The following CYRIB variants were observed in gnomAD, a reference collection of about 807,000 sequenced individuals.
The protein encoded by CYRIB is CYFIP related Rac1 interactor B, also known as CYFIP-related Rac1 interactor B.
In CYRIB, 8 loss-of-function variants were observed where a neutral mutation model predicts 44.2. The observed-to-expected ratio is 0.18, with a 90% CI of 0.11 to 0.33. The LOEUF (loss-of-function observed/expected upper bound fraction) is 0.33, where lower values mean the gene tolerates loss of function less well. Ranked by LOEUF, CYRIB falls within the 10% of genes least tolerant of loss-of-function variation. The pLI is 1.00. For missense variants in CYRIB, 185 were observed against 382.8 expected (o/e 0.48, Z 4.31); for synonymous variants, 131 against 127.2 (o/e 1.03, Z -0.20).
intron 2 of CYRIB, among the ~76,000 whole-genome samples, chr8:129,883,480 T>TG (rs1346375805): frequency 6.6e-6 from 1 of 152,190 alleles, no homozygotes; most frequent in African/African-American, 2.4e-5. Context: ...CAAAAACTCA[T>TG]GGAAGTTTTC....
intron 1 of CYRIB, among the ~76,000 whole-genome samples, chr8:129,924,386 A>T (rs1318633739): frequency 1.3e-5 from 2 of 149,738 alleles, no homozygotes; most frequent in African/African-American, 4.9e-5. Context: ...TTTCCAGAAC[A>T]GATCTGCCTA....
rs117833556 is a variant in CYRIB, at chr8:129,979,162, T to A, written c.-295-8167A>T. 8.7e-3 allele frequency among the ~76,000 whole-genome samples: 1,314 copies of A among 151,844 alleles called. 12 individuals are homozygous for A. The highest frequency in any genetic ancestry group is 0.034 in the Middle Eastern group (10 of 292). On this transcript the variant is annotated intron_variant, in intron 1 of 14. Transcript: ENST00000401979. Reference sequence around the variant, plus strand: ...TCTCAAAATAAATAAATAAATTAATTAATTAATTAAATAAATAATATATCA... The same window carrying A: ...TCTCAAAATAAATAAATAAATTAATAAATTAATTAAATAAATAATATATCA...
chr8:129,983,608 C>T (rs971593857), intron 1 of CYRIB, among the ~76,000 whole-genome samples: 7 of 152,216 alleles, frequency 4.6e-5, no homozygotes, highest in African/African-American at 1.7e-4. Flanking sequence ...CCCCACACAG[C>T]CCCACCGGCA....
exon 12 of CYRIB, chr8:129,840,932 C>T (rs956684771): frequency 6.6e-6 from 1 of 152,124 alleles, no homozygotes; most frequent in Non-Finnish European, 1.5e-5. Flanking sequence ...TGTATTATAC[C>T]TCGGATATTC....
intron 1 of CYRIB, among the ~76,000 whole-genome samples, chr8:129,936,406 C>G (rs2092794380): frequency 6.6e-6 from 1 of 152,188 alleles, no homozygotes; most frequent in Non-Finnish European, 1.5e-5. Context: ...TATAAGGAAT[C>G]TGGCAAACAG....
intron 4 of CYRIB, among the ~76,000 whole-genome samples, chr8:129,866,567 A>G (rs1349700042): frequency 6.6e-6 from 1 of 152,248 alleles, no homozygotes; most frequent in Admixed American, 6.5e-5. Flanking sequence ...AAAGGAATAA[A>G]TGTCTATTAA....
chr8:129,887,334 CA>C (rs1025129952), intron 2 of CYRIB, among the ~76,000 whole-genome samples: 1 of 152,204 alleles, frequency 6.6e-6, no homozygotes, highest in African/African-American at 2.4e-5. Flanking sequence ...GGTGTGCAGA[CA>C]GCAAGAATTG....
At position 129,991,972 on chromosome 8, in the gene CYRIB, A is replaced by C. The variant is rs13260233; in HGVS notation, c.-295-20977T>G. Reference sequence around the variant, plus strand: ...AAAAAAAAAAAAAAAAAAAAAAAAAACAATAGGAAGCTATTAAGGGTTTTA... The same window carrying C: ...AAAAAAAAAAAAAAAAAAAAAAAAACCAATAGGAAGCTATTAAGGGTTTTA... On this transcript the variant is annotated intron_variant, in intron 1 of 14. Coordinates refer to the CYRIB transcript ENST00000401979. 2.2e-3 allele frequency among the ~76,000 whole-genome samples: 263 copies of C among 120,134 alleles called. 8 individuals are homozygous for C. Among genetic ancestry groups the C allele is most frequent in the Middle Eastern group, 4.8e-3 (1 of 208 alleles). The allele number at this position is 120,134 out of a possible 152,430, so 78.8% of individuals were successfully genotyped here.
At chr8:129,846,596 G>A (rs1163077393) in intron 11 of CYRIB, among the ~76,000 whole-genome samples, 1 of 152,176 alleles carries the variant, frequency 6.6e-6, no homozygotes, top group Non-Finnish European at 1.5e-5. Context: ...AGCTGCTATT[G>A]TCATGTGTCC....
intron 1 of CYRIB, chr8:129,912,222 T>G (rs1474288285): frequency 6.6e-6 from 1 of 152,026 alleles, no homozygotes; most frequent in African/African-American, 2.4e-5. Context: ...CGCTCCAAAT[T>G]TACCCCAGGT....
At chr8:129,928,611 G>C (rs1564071205) in intron 1 of CYRIB, among the ~76,000 whole-genome samples, 1 of 151,056 alleles carries the variant, frequency 6.6e-6, no homozygotes, top group Non-Finnish European at 1.5e-5. Flanking sequence ...AGTAAGGTGT[G>C]ATTATGCCAC....
intron 1 of CYRIB, among the ~76,000 whole-genome samples, chr8:129,972,297 G>C (rs1240449707): frequency 6.6e-6 from 1 of 152,198 alleles, no homozygotes; most frequent in Non-Finnish European, 1.5e-5. Context: ...TGGCCAAGAA[G>C]AGGATTTAAG....
chr8:129,850,965 C>G, intron 8 of CYRIB, 51 bp from the exon 11 acceptor site: 1 of 1,163,676 alleles, frequency 8.6e-7, no homozygotes, highest in Admixed American at 1.9e-5. Context: ...AACGTTATTA[C>G]TTAAGCACAA....
intron 5 of CYRIB, among the ~76,000 whole-genome samples, 192 bp downstream of exon 7, chr8:129,862,037 G>A (rs1449694062): frequency 6.6e-6 from 1 of 151,972 alleles, no homozygotes; most frequent in Non-Finnish European, 1.5e-5. Context: ...GGACAAAAAT[G>A]GTCTAAATGA....
chr8:129,866,060 G>A (rs1047742560), intron 4 of CYRIB, among the ~76,000 whole-genome samples: 4 of 152,154 alleles, frequency 2.6e-5, no homozygotes, highest in Non-Finnish European at 4.4e-5. Flanking sequence ...CACACTCACA[G>A]GCTACAGAGA....
intron 2 of CYRIB, chr8:129,948,549 G>A (rs1250100887): frequency 6.6e-6 from 1 of 152,128 alleles, no homozygotes; most frequent in Non-Finnish European, 1.5e-5. Flanking sequence ...CTTCCATCAG[G>A]AAAAGGCACA....
intron 1 of CYRIB, among the ~76,000 whole-genome samples, chr8:129,937,486 C>A (rs567874820): frequency 6.6e-6 from 1 of 152,318 alleles, no homozygotes; most frequent in Non-Finnish European, 1.5e-5. Flanking sequence ...GTCAAATAAT[C>A]TCAAGAGGGA....
At chr8:129,969,175 G>A (rs574297611) in intron 2 of CYRIB, among the ~76,000 whole-genome samples, 10 of 152,040 alleles carry the variant, frequency 6.6e-5, no homozygotes, top group Middle Eastern at 3.4e-3. Flanking sequence ...CACCACACCC[G>A]GCTGATTTTT....
intron 8 of CYRIB, 92 bp from the exon 11 acceptor site, chr8:129,851,006 C>G: frequency 1.2e-6 from 1 of 821,072 alleles, no homozygotes; most frequent in South Asian, 1.5e-5. Flanking sequence ...GAAAAATTAG[C>G]AACTTTAAAA....
Sources: allele counts gnomAD v4.1 joint callset (sites outside exome capture counted in the v4.1 genomes callset), GRCh38; gene constraint gnomAD v4.1.1; transcripts MANE v1.5; gene names NCBI Gene and HGNC (gene_info 2026-07-23, HGNC 2026-07-21).